The following ACSS1 variants were observed in gnomAD, a reference collection of about 807,000 sequenced individuals.
The protein encoded by ACSS1 is acyl-CoA synthetase short chain family member 1.
Under a neutral mutation model 75.3 loss-of-function variants are expected in ACSS1, and 42 were observed. That is an observed-to-expected ratio of 0.56 (90% confidence interval 0.44 to 0.72). ACSS1 has a LOEUF of 0.72. Ranked by LOEUF, ACSS1 falls within the 30% of genes least tolerant of loss-of-function variation. The pLI, the probability that ACSS1 is intolerant of heterozygous loss-of-function variation, is 0.00. For synonymous variants in ACSS1, 380 were observed against 376.8 expected, an observed-to-expected ratio of 1.01 and a Z score of -0.10; for missense variants, 782 against 935.7, an observed-to-expected ratio of 0.84 and a Z score of 2.14.
At chr20:25,044,633 T>C (rs1331745105) in intron 2 of ACSS1, among the ~76,000 whole-genome samples, 1 of 152,034 alleles carries the variant, frequency 6.6e-6, no homozygotes, top group East Asian at 1.9e-4. Context: ...TAATTAAAAA[T>C]AAAATAAAAT....
chr20:25,014,247 G>A (rs900530994), intron 8 of ACSS1, among the ~76,000 whole-genome samples, 174 bp from the exon 9 acceptor site: 2 of 152,188 alleles, frequency 1.3e-5, no homozygotes, highest in African/African-American at 4.8e-5. Context: ...GTGGATATGA[G>A]AGGCGGCCCC....
At chr20:25,044,516 G>A (rs6050271) in intron 2 of ACSS1, among the ~76,000 whole-genome samples, 3 of 152,202 alleles carry the variant, frequency 2.0e-5, no homozygotes, top group Non-Finnish European at 2.9e-5. Flanking sequence ...GGGAGGCTGA[G>A]GCAGGAGAAT....
intron 1 of ACSS1, among the ~76,000 whole-genome samples, chr20:25,057,086 G>A (rs1040799274): frequency 1.5e-4 from 23 of 152,166 alleles, no homozygotes; most frequent in Admixed American, 7.9e-4. Flanking sequence ...GTCAGACCCC[G>A]CGGGTCCAAA....
chr20:25,013,605 G>C lies in ACSS1; in HGVS notation c.1510C>G (p.Pro504Ala). ...SGALCISQAW[P>A]GMARTIYGDH... is the part of the protein sequence containing the mutation. ...CCATAGATGGTCCTGGCCATGCCCG[G>C]CCAGGCCTGGGAGATGCACAGGGCC... The change falls in exon 10 of 14, where the codon CCG (proline) becomes GCG (alanine). Residue 504 changes from proline (P) to alanine (A), a missense_variant. Around this residue, in one of 2 missense-constraint regions of ACSS1, gnomAD observed 405 missense variants for 552.6 expected, o/e 0.73. Coordinates refer to ENST00000323482, the MANE Select transcript of ACSS1 (RefSeq NM_032501.4). 1 of 1,610,278 alleles carries C rather than the reference G, an allele frequency of 6.2e-7. No homozygotes were observed. The highest frequency in any genetic ancestry group is 8.5e-7 in the Non-Finnish European group (1 of 1,177,872).
intron 1 of ACSS1, among the ~76,000 whole-genome samples, chr20:25,051,415 T>C (rs1402976749): frequency 2.0e-5 from 3 of 152,142 alleles, no homozygotes. Flanking sequence ...GCAGACCTCT[T>C]CTTGTCTTTG....
At chr20:25,057,744 C>T (rs756804699) in intron 1 of ACSS1, 25 bp downstream of exon 1, 1 of 1,535,500 alleles carries the variant, frequency 6.5e-7, no homozygotes, top group Non-Finnish European at 8.9e-7. Context: ...TTGGGGGCGT[C>T]CTGGGTCTCC....
intron 5 of ACSS1, among the ~76,000 whole-genome samples, chr20:25,022,390 C>G (rs62217172): frequency 0.13 from 19,845 of 148,662 alleles, 1,463 homozygotes; most frequent in Middle Eastern, 0.23. Flanking sequence ...CAAAACAAAA[C>G]AAAAGAAAAA....
chr20:25,014,179 G>A (rs953403264), intron 8 of ACSS1, 106 bp from the exon 9 acceptor site: 9 of 896,154 alleles, frequency 1.0e-5, no homozygotes, highest in African/African-American at 5.0e-5. Flanking sequence ...GCAAGGAAAC[G>A]CCTCAGGGGC....
intron 13 of ACSS1, among the ~76,000 whole-genome samples, chr20:25,008,711 T>C (rs1353460621): frequency 1.3e-5 from 2 of 152,190 alleles, no homozygotes; most frequent in African/African-American, 2.4e-5. Flanking sequence ...TCTCCTTCAC[T>C]GCCACCAGGA....
In ACSS1 at chr20:25,015,250, A is replaced by G; in HGVS notation, c.1247-20T>C. The G allele has an allele frequency of 6.3e-7, 1 of 1,579,172 alleles. No homozygotes were observed. Among genetic ancestry groups the G allele is most frequent in the South Asian group, 1.1e-5 (1 of 87,776 alleles). ...CTCCCACTGAAACCACACAGAAAGA[A>G]AAAGATGTTAACAGGCTGCAAATAA... On this transcript the variant is annotated intron_variant, in intron 7 of 13. Coordinates refer to ENST00000323482, the MANE Select transcript of ACSS1 (RefSeq NM_032501.4).
chr20:25,051,020 A>T (rs1367263452), intron 1 of ACSS1, among the ~76,000 whole-genome samples: 1 of 152,152 alleles, frequency 6.6e-6, no homozygotes, highest in African/African-American at 2.4e-5. Context: ...GTGCTCAAAA[A>T]GTGGCCACCA....
At position 25,020,057 on chromosome 20, in the gene ACSS1, G is replaced by C; in HGVS notation, c.1199C>G (p.Ala400Gly). 6.2e-7 allele frequency: 1 copy of C among 1,614,214 alleles called. No individual in the cohort carries two copies. The highest frequency in any genetic ancestry group is 8.5e-7 in the Non-Finnish European group (1 of 1,180,044). ...AVRLLLKYGD[A>G]WVKKYDRSSL... is the part of the protein sequence containing the mutation. ...GGAGCGATCATACTTCTTCACCCAG[G>C]CATCACCGTATTTCAGCAACAGCCG... Residue 400 changes from alanine (A) to glycine (G), a missense_variant, in exon 7 of 14, where the codon GCC (alanine) becomes GGC (glycine). Ala to Gly is a moderately conservative substitution (Grantham distance 60). Around this residue, in one of 2 missense-constraint regions of ACSS1, gnomAD observed 405 missense variants for 552.6 expected, o/e 0.73. Coordinates refer to ENST00000323482, the MANE Select transcript of ACSS1 (RefSeq NM_032501.4).
rs188841094 is a variant in ACSS1, at chr20:25,016,485, C to T, written c.1247-1255G>A. 2.6e-5 allele frequency among the ~76,000 whole-genome samples: 4 copies of T among 152,356 alleles called. No individual in the cohort carries two copies. The East Asian group carries it at 7.7e-4, about 29-fold the overall frequency. ...CAGGCCAGCACTCAGCCAGAACTCACCAGGCTAGACGTGCTATCACTAAAA... is the reference window on the plus strand; with the variant it reads ...CAGGCCAGCACTCAGCCAGAACTCATCAGGCTAGACGTGCTATCACTAAAA... On this transcript the variant is annotated intron_variant, in intron 7 of 13. Coordinates refer to ENST00000323482, the MANE Select transcript of ACSS1 (RefSeq NM_032501.4).
chr20:25,020,264 T>C (rs940863987), intron 6 of ACSS1, 117 bp from the exon 7 acceptor site: 1 of 1,416,654 alleles, frequency 7.1e-7, no homozygotes. Flanking sequence ...TATGTCCATA[T>C]GAAAGGGATC....
Position 25,015,157 on chromosome 20 carries a change from C to T in ACSS1, c.1320G>A (p.Val440=). 6.2e-7 allele frequency: 1 copy of T among 1,612,554 alleles called. No homozygotes were observed. Among genetic ancestry groups the T allele is most frequent in the Non-Finnish European group, 8.5e-7 (1 of 1,178,784 alleles). Residue 440 remains valine (V), a synonymous_variant, in exon 8 of 14, where the codon GTG becomes GTA. Transcript: ENST00000323482. ...CCTCACCTGTCTGCCACCAGGTGTC[C>T]ACCAGCGTGCACCTGCTGTCCCCCA... ...RVVGDSRCTL[V]DTWWQTETGG...
intron 1 of ACSS1, among the ~76,000 whole-genome samples, chr20:25,055,473 G>T (rs531272753): frequency 1.6e-4 from 24 of 152,302 alleles, no homozygotes; most frequent in African/African-American, 5.3e-4. Context: ...CCAAGGCCAG[G>T]ACACTAATCC....
chr20:25,039,996 G>A lies in ACSS1; in HGVS notation c.431+8089C>T, dbSNP rs539063779. On this transcript the variant is annotated intron_variant, in intron 2 of 13. Coordinates refer to ENST00000323482, the MANE Select transcript of ACSS1 (RefSeq NM_032501.4). Reference sequence around the variant, plus strand: ...GACTGGAGTCCTGGAAGCCAGCCCCGAGAACAGCTGGTGCCCTGGCAGAAC... The same window carrying A: ...GACTGGAGTCCTGGAAGCCAGCCCCAAGAACAGCTGGTGCCCTGGCAGAAC... 2.3e-3 allele frequency among the ~76,000 whole-genome samples: 346 copies of A among 152,362 alleles called. 1 individual carries two copies. The highest frequency in any genetic ancestry group is 7.7e-3 in the African/African-American group (322 of 41,574).
intron 6 of ACSS1, 100 bp from the exon 7 acceptor site, chr20:25,020,247 A>C: frequency 6.6e-7 from 1 of 1,506,096 alleles, no homozygotes; most frequent in Non-Finnish European, 9.1e-7. Flanking sequence ...GCATGTGCAG[A>C]CGCGCATATG....
chr20:25,038,703 C>T (rs992559679), intron 2 of ACSS1, among the ~76,000 whole-genome samples: 5 of 152,058 alleles, frequency 3.3e-5, no homozygotes, highest in African/African-American at 1.2e-4. Context: ...GTGCTGAGGG[C>T]GGGAGTAGAT....
Sources: allele counts gnomAD v4.1 joint callset (sites outside exome capture counted in the v4.1 genomes callset), GRCh38; gene constraint gnomAD v4.1.1; regional missense constraint gnomAD v4.1.1; transcripts MANE v1.5; gene names NCBI Gene and HGNC (gene_info 2026-07-23, HGNC 2026-07-21).